GHR: variants seen among roughly 807,000 people sequenced by gnomAD.
The protein encoded by GHR is GH receptor.
In GHR, 35 loss-of-function variants were observed where a neutral mutation model predicts 67.1. The ratio of observed to expected loss-of-function variants is 0.52; its 90% CI spans 0.40 to 0.69. The LOEUF (loss-of-function observed/expected upper bound fraction) is 0.69. Among genes scored for constraint, GHR ranks in the 30% least tolerant of loss-of-function variants. The pLI is 0.00. For synonymous variants in GHR, 272 were observed against 269.1 expected (o/e 1.01, Z -0.10); for missense variants, 792 against 764.6 (o/e 1.04, Z -0.42).
chr5:42,438,382 C>G (rs1367392873), intron 1 of GHR, among the ~76,000 whole-genome samples: 1 of 152,122 alleles, frequency 6.6e-6, no homozygotes, highest in East Asian at 1.9e-4. Context: ...TGAAATTCCT[C>G]CCTCCAAGAA....
intron 1 of GHR, among the ~76,000 whole-genome samples, chr5:42,498,777 T>C (rs1037299175): frequency 1.3e-5 from 2 of 152,182 alleles, no homozygotes; most frequent in African/African-American, 4.8e-5. Context: ...CTGGAAAATA[T>C]AGAAATTTGT....
At chr5:42,607,713 G>A (rs1162382398) in intron 2 of GHR, among the ~76,000 whole-genome samples, 2 of 152,106 alleles carry the variant, frequency 1.3e-5, no homozygotes, top group Non-Finnish European at 2.9e-5. Flanking sequence ...AGAAGGGGCT[G>A]GGATTTGGGA....
chr5:42,514,356 G>T (rs1174326525), intron 1 of GHR: 2 of 978,130 alleles, frequency 2.0e-6, no homozygotes, highest in Admixed American at 6.2e-5. Context: ...TTGCTCCTCT[G>T]ATAACCAGGT....
chr5:42,637,485 T>G (rs1322840073), intron 3 of GHR, among the ~76,000 whole-genome samples: 2 of 152,166 alleles, frequency 1.3e-5, no homozygotes, highest in African/African-American at 4.8e-5. Context: ...CCCCTGTGTC[T>G]ACTGTTGCCA....
At chr5:42,452,609 T>C (rs1165407468) in intron 1 of GHR, among the ~76,000 whole-genome samples, 1 of 152,168 alleles carries the variant, frequency 6.6e-6, no homozygotes, top group Non-Finnish European at 1.5e-5. Flanking sequence ...TTCTTTTTTC[T>C]TTGTCTGATT....
chr5:42,545,429 T>C (rs1448293585), intron 1 of GHR, among the ~76,000 whole-genome samples: 2 of 152,224 alleles, frequency 1.3e-5, no homozygotes, highest in Non-Finnish European at 2.9e-5. Context: ...TTTAGATATT[T>C]TGTTAGAGAC....
intron 1 of GHR, among the ~76,000 whole-genome samples, chr5:42,502,479 T>C (rs1196979303): frequency 6.6e-6 from 1 of 152,228 alleles, no homozygotes; most frequent in Non-Finnish European, 1.5e-5. Flanking sequence ...TTGTGACTGG[T>C]AAATTTCCAT....
Position 42,573,406 on chromosome 5 carries a change from T to TA in GHR, c.70+7464dup, listed in dbSNP as rs377397541. Among the ~76,000 whole-genome samples, 328 of 152,182 alleles carry TA rather than the reference T, an allele frequency of 2.2e-3. 2 individuals carry two copies. Among genetic ancestry groups the TA allele is most frequent in the African/African-American group, 7.5e-3 (313 of 41,534 alleles). ...AAGATCAGAATTCTGCCCTAAACAC[T>TA]AATGTGTGGGAGCCTGATGTCCTGC... On this transcript the variant is annotated intron_variant, in intron 2 of 9. Coordinates refer to ENST00000230882, the MANE Select transcript of GHR (RefSeq NM_000163.5).
intron 2 of GHR, among the ~76,000 whole-genome samples, chr5:42,573,799 A>T (rs949580599): frequency 6.6e-6 from 1 of 152,214 alleles, no homozygotes; most frequent in Admixed American, 6.5e-5. Flanking sequence ...GTCAATTTAT[A>T]TTAATAAAAT....
chr5:42,610,861 C>A lies in GHR; in HGVS notation c.71-18177C>A, dbSNP rs149621130. On this transcript the variant is annotated intron_variant, in intron 2 of 9. Transcript: ENST00000230882. ...CATCATCCCTCTAGGAATGGGCCTG[C>A]CTTGGTGTCCTTGTCATGCAAAGTC... 4.3e-3 allele frequency among the ~76,000 whole-genome samples: 655 copies of A among 152,182 alleles called. 3 individuals carry two copies. Among genetic ancestry groups the A allele is most frequent in the African/African-American group, 0.015 (633 of 41,524 alleles).
intron 2 of GHR, among the ~76,000 whole-genome samples, chr5:42,609,870 A>G (rs1295343290): frequency 2.0e-5 from 3 of 152,168 alleles, no homozygotes; most frequent in Non-Finnish European, 2.9e-5. Flanking sequence ...TACAATATTC[A>G]AGAGGGTGAA....
At chr5:42,573,275 T>C (rs1750437379) in intron 2 of GHR, among the ~76,000 whole-genome samples, 1 of 152,116 alleles carries the variant, frequency 6.6e-6, no homozygotes, top group African/African-American at 2.4e-5. Flanking sequence ...CCCCTTATAG[T>C]GGGAGGGGTC....
At chr5:42,489,640 C>T (rs1746028434) in intron 1 of GHR, among the ~76,000 whole-genome samples, 1 of 152,082 alleles carries the variant, frequency 6.6e-6, no homozygotes, top group Admixed American at 6.6e-5. Context: ...CATCACTTTG[C>T]CTTCTTTCCT....
At chr5:42,676,929 T>C (rs1756599803) in intron 3 of GHR, among the ~76,000 whole-genome samples, 1 of 152,044 alleles carries the variant, frequency 6.6e-6, no homozygotes, top group South Asian at 2.1e-4. Context: ...CCTCTCAACC[T>C]AAGTGTTTAT....
chr5:42,594,219 A>G (rs749995204), intron 2 of GHR, among the ~76,000 whole-genome samples: 3 of 152,236 alleles, frequency 2.0e-5, no homozygotes, highest in Non-Finnish European at 4.4e-5. Context: ...CCCTTTTAGT[A>G]TCAACTTCTG....
intron 1 of GHR, among the ~76,000 whole-genome samples, chr5:42,459,666 T>TAAAAGAAAAAA (rs1744406042): frequency 2.7e-5 from 4 of 149,106 alleles, no homozygotes; most frequent in African/African-American, 9.7e-5. Flanking sequence ...ACTTAAAAGT[T>TAAAAGAAAAAA]AAAAGAAAAA....
At chr5:42,501,784 C>A (rs866474899) in intron 1 of GHR, among the ~76,000 whole-genome samples, 2 of 152,222 alleles carry the variant, frequency 1.3e-5, no homozygotes, top group Middle Eastern at 3.4e-3. Context: ...AAGTGTTTTT[C>A]CTCCCAGAGG....
rs1363936681 is a variant in GHR at position 42,492,445 on chromosome 5, T to A, written c.-12+68490T>A. On this transcript the variant is annotated intron_variant, in intron 1 of 9. Coordinates refer to ENST00000230882, the MANE Select transcript of GHR (RefSeq NM_000163.5). ...ACTGTCAGTTCTTTCTGTGAATGCA[T>A]GTTCATGAAGATACTGAAGGCTGTT... is the stretch of plus-strand genomic sequence containing the variant. Among the ~76,000 whole-genome samples the A allele has an allele frequency of 6.6e-5, 10 of 152,188 alleles. No homozygotes were observed. In the South Asian group the frequency reaches 1.0e-3, roughly 16 times the overall value.
At chr5:42,481,205 G>C (rs1043524196) in intron 1 of GHR, among the ~76,000 whole-genome samples, 3 of 152,154 alleles carry the variant, frequency 2.0e-5, no homozygotes, top group African/African-American at 7.2e-5. Context: ...TAAGAATGTT[G>C]AATATTGGCC....
Sources: allele counts gnomAD v4.1 joint callset (sites outside exome capture counted in the v4.1 genomes callset), GRCh38; gene constraint gnomAD v4.1.1; transcripts MANE v1.5; gene names NCBI Gene and HGNC (gene_info 2026-07-23, HGNC 2026-07-21).